Variants in IMMP2L observed in about 807,000 individuals in gnomAD.
IMMP2L encodes the protein mitochondrial inner membrane protease subunit 2.
Under a neutral mutation model 19.3 loss-of-function variants are expected in IMMP2L, and 18 were observed. The ratio of observed to expected loss-of-function variants is 0.93; its 90% CI spans 0.64 to 1.38. The LOEUF is 1.38. IMMP2L is among the 40% of genes most tolerant of loss of function. The pLI is 0.00. For synonymous variants in IMMP2L, 76 were observed against 73.0 expected (o/e 1.04, Z -0.21); for missense variants, 233 against 218.2 (o/e 1.07, Z -0.43).
intron 5 of IMMP2L, among the ~76,000 whole-genome samples, chr7:110,786,433 T>C (rs551877889): frequency 1.3e-5 from 2 of 152,058 alleles, no homozygotes; most frequent in African/African-American, 4.8e-5. Context: ...GGGCTTAAGC[T>C]TGGGCTACAG....
At chr7:110,949,771 T>C (rs892837464) in intron 4 of IMMP2L, among the ~76,000 whole-genome samples, 1 of 152,094 alleles carries the variant, frequency 6.6e-6, no homozygotes, top group African/African-American at 2.4e-5. Context: ...TAAGTGCAAT[T>C]TCTTGCCAAC....
At chr7:110,695,118 A>T (rs1420622086) in intron 5 of IMMP2L, among the ~76,000 whole-genome samples, 1 of 152,098 alleles carries the variant, frequency 6.6e-6, no homozygotes, top group African/African-American at 2.4e-5. Flanking sequence ...GGGTAATGAA[A>T]ATATTTTGGA....
At chr7:110,998,998 T>A (rs924939626) in intron 3 of IMMP2L, among the ~76,000 whole-genome samples, 2 of 152,130 alleles carry the variant, frequency 1.3e-5, no homozygotes, top group African/African-American at 4.8e-5. Context: ...TTTTTGGAGG[T>A]GCATATACCA....
At chr7:111,101,842 C>A (rs1320516550) in intron 3 of IMMP2L, among the ~76,000 whole-genome samples, 1 of 151,362 alleles carries the variant, frequency 6.6e-6, no homozygotes, top group Non-Finnish European at 1.5e-5. Flanking sequence ...TGCCCCCAAT[C>A]TAAAAAGGTA....
intron 2 of IMMP2L, among the ~76,000 whole-genome samples, chr7:111,502,472 A>T (rs1160780123): frequency 6.6e-6 from 1 of 152,172 alleles, no homozygotes; most frequent in East Asian, 1.9e-4. Flanking sequence ...AAGCATACCT[A>T]ATAGACATCT....
intron 3 of IMMP2L, among the ~76,000 whole-genome samples, chr7:111,170,799 A>G (rs1258634389): frequency 6.6e-6 from 1 of 151,724 alleles, no homozygotes; most frequent in Non-Finnish European, 1.5e-5. Flanking sequence ...CAGTTTTGTT[A>G]TAAGAATACT....
At chr7:110,782,756 A>G (rs1799821237) in intron 5 of IMMP2L, among the ~76,000 whole-genome samples, 1 of 151,932 alleles carries the variant, frequency 6.6e-6, no homozygotes, top group African/African-American at 2.4e-5. Context: ...CTCTTTGCTT[A>G]GAGGTCAATT....
chr7:111,125,769 TAA>T (rs978380350), intron 3 of IMMP2L, among the ~76,000 whole-genome samples: 4 of 150,470 alleles, frequency 2.7e-5, no homozygotes, highest in Non-Finnish European at 4.4e-5. Flanking sequence ...CTGGGCAACA[TAA>T]AGTCTTATTT....
chr7:111,546,011 A>G (rs1445533136), intron 1 of IMMP2L, among the ~76,000 whole-genome samples: 4 of 151,946 alleles, frequency 2.6e-5, no homozygotes, highest in African/African-American at 9.7e-5. Context: ...TTCCTTTTTG[A>G]TTTACTACAT....
At chr7:111,467,271 T>A (rs1023317697) in intron 3 of IMMP2L, among the ~76,000 whole-genome samples, 2 of 152,178 alleles carry the variant, frequency 1.3e-5, no homozygotes, top group Admixed American at 6.5e-5. Flanking sequence ...ATTGGAAAGA[T>A]TAAATGAGGT....
At chr7:110,725,224 G>A (rs189263217) in intron 5 of IMMP2L, among the ~76,000 whole-genome samples, 73 of 152,216 alleles carry the variant, frequency 4.8e-4, no homozygotes, top group Admixed American at 1.9e-3. Context: ...AACCAGAAAC[G>A]ACAATTTGTA....
intron 3 of IMMP2L, among the ~76,000 whole-genome samples, chr7:111,203,663 A>C (rs1276133751): frequency 6.6e-6 from 1 of 151,670 alleles, no homozygotes; most frequent in Non-Finnish European, 1.5e-5. Context: ...ATCACCATCA[A>C]ACATTAGGTA....
chr7:111,232,376 T>G (rs909355164), intron 3 of IMMP2L, among the ~76,000 whole-genome samples: 3 of 150,826 alleles, frequency 2.0e-5, no homozygotes, highest in Non-Finnish European at 3.0e-5. Flanking sequence ...TTGGAGGGTT[T>G]TTTTTTTTTT....
At chr7:111,357,716 T>C (rs1388600965) in intron 3 of IMMP2L, among the ~76,000 whole-genome samples, 2 of 152,238 alleles carry the variant, frequency 1.3e-5, no homozygotes, top group Admixed American at 6.5e-5. Context: ...CTGGTTTTAA[T>C]GAAGTAAGCA....
In IMMP2L at chr7:111,048,979, T is replaced by A. The variant is rs116800586; in HGVS notation, c.240-85414A>T. Among the ~76,000 whole-genome samples the A allele has an allele frequency of 9.6e-3, 1,465 of 152,236 alleles. 22 individuals are homozygous for A. The highest frequency in any genetic ancestry group is 0.033 in the African/African-American group (1,359 of 41,546). ...TTAAGTGGACCCAGAGTTGTTACAC[T>A]GCCATGCTCTATTAGTAGAGACCAA... On this transcript the variant is annotated intron_variant, in intron 3 of 5. Transcript: ENST00000405709.
chr7:110,884,989 C>T (rs989815707), intron 5 of IMMP2L, among the ~76,000 whole-genome samples: 2 of 151,920 alleles, frequency 1.3e-5, no homozygotes, highest in Admixed American at 1.3e-4. Context: ...TTAGTGACAG[C>T]AGGAGTGTGC....
chr7:110,940,134 T>C (rs1213144276), intron 4 of IMMP2L, among the ~76,000 whole-genome samples: 1 of 151,872 alleles, frequency 6.6e-6, no homozygotes, highest in Non-Finnish European at 1.5e-5. Flanking sequence ...CTGGCCAACA[T>C]AGTGAAACCC....
chr7:111,181,422 C>A (rs961965924), intron 3 of IMMP2L, among the ~76,000 whole-genome samples: 2 of 151,968 alleles, frequency 1.3e-5, no homozygotes, highest in African/African-American at 4.8e-5. Context: ...TAGGGATCTT[C>A]CCTGTCTTGT....
intron 3 of IMMP2L, among the ~76,000 whole-genome samples, chr7:110,971,499 G>T (rs938408964): frequency 6.6e-6 from 1 of 152,138 alleles, no homozygotes; most frequent in African/African-American, 2.4e-5. Flanking sequence ...GCAAGGAAAG[G>T]TGTCCATCAA....
Sources: gnomAD v4.1 joint callset for allele counts (sites outside exome capture counted in the v4.1 genomes callset) on GRCh38, gnomAD v4.1.1 for gene constraint, MANE v1.5 for transcripts, NCBI Gene and HGNC (gene_info 2026-07-23, HGNC 2026-07-21) for gene names.